Variants in MGMT observed in about 807,000 individuals in gnomAD.
MGMT encodes the protein O-6-methylguanine-DNA methyltransferase.
In MGMT, 14 loss-of-function variants were observed where a neutral mutation model predicts 15.9. The observed-to-expected ratio is 0.88, with a 90% CI of 0.58 to 1.37. The LOEUF (loss-of-function observed/expected upper bound fraction) is 1.37. Ranked by LOEUF, MGMT falls within the 40% of genes most tolerant of loss-of-function variation. MGMT has a pLI of 0.00. For synonymous variants in MGMT, 130 were observed against 118.2 expected, an observed-to-expected ratio of 1.10 and a Z score of -0.65; for missense variants, 282 against 268.1, an observed-to-expected ratio of 1.05 and a Z score of -0.36.
chr10:129,714,176 G>A (rs1488831400), intron 3 of MGMT, among the ~76,000 whole-genome samples: 2 of 152,240 alleles, frequency 1.3e-5, no homozygotes, highest in African/African-American at 4.8e-5. Flanking sequence ...GGCTGGCCCC[G>A]TGGACTGCCT....
intron 1 of MGMT, among the ~76,000 whole-genome samples, chr10:129,475,024 G>C (rs1845275207): frequency 6.6e-6 from 1 of 152,100 alleles, no homozygotes; most frequent in Non-Finnish European, 1.5e-5. Context: ...TGGGGAGCTT[G>C]GTAAGTGGTT....
chr10:129,585,914 A>G (rs1286168257), intron 2 of MGMT, among the ~76,000 whole-genome samples: 1 of 142,520 alleles, frequency 7.0e-6, no homozygotes, highest in Non-Finnish European at 1.6e-5. Context: ...CAGGGCCATT[A>G]TTAAGTGAAA....
chr10:129,672,137 T>C (rs375637684), intron 2 of MGMT, among the ~76,000 whole-genome samples: 9 of 152,358 alleles, frequency 5.9e-5, no homozygotes, highest in African/African-American at 2.2e-4. Flanking sequence ...CAGTTTCTTT[T>C]TTAGAAAATG....
chr10:129,755,920 T>C (rs11016913), intron 3 of MGMT, among the ~76,000 whole-genome samples: 19,566 of 152,204 alleles, frequency 0.13, 2,649 homozygotes, highest in African/African-American at 0.34. Flanking sequence ...CTGGTGTGTG[T>C]TGTCTTCCTT....
intron 2 of MGMT, among the ~76,000 whole-genome samples, chr10:129,685,554 C>G (rs540748949): frequency 6.6e-6 from 1 of 152,326 alleles, no homozygotes; most frequent in South Asian, 2.1e-4. Context: ...CCTTTCGGCT[C>G]AGCCCCACTT....
chr10:129,745,937 C>G (rs1028404377), intron 3 of MGMT, among the ~76,000 whole-genome samples: 1 of 151,950 alleles, frequency 6.6e-6, no homozygotes, highest in Non-Finnish European at 1.5e-5. Flanking sequence ...GTCTTTTATT[C>G]TCTTAACACT....
chr10:129,573,827 C>G (rs1360199416), intron 2 of MGMT, among the ~76,000 whole-genome samples: 1 of 152,100 alleles, frequency 6.6e-6, no homozygotes, highest in Non-Finnish European at 1.5e-5. Flanking sequence ...AGTATAAAAT[C>G]TAGGTTATTT....
chr10:129,687,157 TTTA>T (rs1847913789), intron 2 of MGMT, among the ~76,000 whole-genome samples: 1 of 152,152 alleles, frequency 6.6e-6, no homozygotes, highest in Non-Finnish European at 1.5e-5. Flanking sequence ...TTAATTTATT[TTTA>T]TTTTTTGTTT....
At chr10:129,611,725 GCTC>G (rs1846962866) in intron 2 of MGMT, among the ~76,000 whole-genome samples, 1 of 152,248 alleles carries the variant, frequency 6.6e-6, no homozygotes, top group African/African-American at 2.4e-5. Flanking sequence ...CTAAGTCTTG[GCTC>G]CCGGGTGCGC....
chr10:129,494,218 G>A (rs1293992328), intron 1 of MGMT, among the ~76,000 whole-genome samples: 1 of 152,196 alleles, frequency 6.6e-6, no homozygotes, highest in Non-Finnish European at 1.5e-5. Flanking sequence ...ATTCAGGACT[G>A]TGTTGTGTAA....
chr10:129,590,208 T>C lies in MGMT; in HGVS notation c.125+53831T>C, dbSNP rs530716793. 1.3e-4 allele frequency among the ~76,000 whole-genome samples: 20 copies of C among 152,378 alleles called. No individual in the cohort carries two copies. The East Asian group carries it at 3.5e-3, about 26-fold the overall frequency. On this transcript the variant is annotated intron_variant, in intron 2 of 4. Transcript: ENST00000651593. ...GGTTTCAGATCTGTCTGTGGTCTTT[T>C]GTTTTACTTGGAAACACATGTTTAA...
At chr10:129,496,060 G>C (rs1845517960) in intron 1 of MGMT, among the ~76,000 whole-genome samples, 1 of 152,196 alleles carries the variant, frequency 6.6e-6, no homozygotes, top group Non-Finnish European at 1.5e-5. Flanking sequence ...AGAGCAATGG[G>C]AGGCGGTTTT....
intron 2 of MGMT, among the ~76,000 whole-genome samples, chr10:129,567,045 G>C (rs4751102): frequency 0.091 from 13,870 of 152,204 alleles, 693 homozygotes; most frequent in African/African-American, 0.11. Context: ...CCCTGAGGCA[G>C]CTCGTGTTTT....
chr10:129,525,627 C>T (rs930532279), intron 1 of MGMT, among the ~76,000 whole-genome samples: 2 of 152,054 alleles, frequency 1.3e-5, no homozygotes, highest in Admixed American at 6.5e-5. Context: ...CTGTGCGGTG[C>T]GGGGCCGGCT....
In MGMT at chr10:129,533,671, TCAC is replaced by T. The variant is rs777182194; in HGVS notation, c.-12-2569_-12-2567del. Among the ~76,000 whole-genome samples the T allele has an allele frequency of 1.1e-4, 17 of 152,112 alleles. No homozygotes were observed. The highest frequency in any genetic ancestry group is 6.5e-5 in the Admixed American group (1 of 15,274). On this transcript the variant is annotated intron_variant, in intron 1 of 4. Transcript: ENST00000651593. This position sits in a 1 kb window ranked among gnomAD's most constrained non-coding sequence, Gnocchi z 4.5. Reference sequence around the variant, plus strand: ...CATGGACGCTTGGCCTGGATGGTGGTCACACTGGTAATTCAGTTCCACAAGTAT... The same window carrying T: ...CATGGACGCTTGGCCTGGATGGTGGTACTGGTAATTCAGTTCCACAAGTAT...
intron 2 of MGMT, among the ~76,000 whole-genome samples, chr10:129,675,462 G>A (rs546225462): frequency 6.6e-6 from 1 of 152,310 alleles, no homozygotes; most frequent in South Asian, 2.1e-4. Flanking sequence ...AGGACTTTGT[G>A]ATTAAATAGG....
Position 129,488,004 on chromosome 10 carries a change from T to C in MGMT, c.-13+20708T>C, listed in dbSNP as rs1010173032. ...ATACACACACACACACACATAGGTA[T>C]ACACACACACACACACACACACACA... On this transcript the variant is annotated intron_variant, in intron 1 of 4. Transcript: ENST00000651593. Among the ~76,000 whole-genome samples, 469 of 121,484 alleles carry C rather than the reference T, an allele frequency of 3.9e-3. 2 individuals are homozygous for C. The highest frequency in any genetic ancestry group is 0.016 in the African/African-American group (426 of 27,416). The allele number at this position is 121,484 out of a possible 152,430, so 79.7% of individuals were successfully genotyped here.
At chr10:129,672,603 A>G (rs867374582) in intron 2 of MGMT, among the ~76,000 whole-genome samples, 1 of 152,170 alleles carries the variant, frequency 6.6e-6, no homozygotes, top group Non-Finnish European at 1.5e-5. Context: ...TTTCTTTGCT[A>G]CTGTGCCTAA....
intron 2 of MGMT, among the ~76,000 whole-genome samples, chr10:129,627,688 G>A (rs1847166342): frequency 6.6e-6 from 1 of 152,114 alleles, no homozygotes; most frequent in Non-Finnish European, 1.5e-5. Flanking sequence ...TTTCCACCAT[G>A]CTTCATATTT....
Sources: gnomAD v4.1 joint callset for allele counts (sites outside exome capture counted in the v4.1 genomes callset) on GRCh38, gnomAD v4.1.1 for gene constraint, Gnocchi (gnomAD v3.1) non-coding constraint, MANE v1.5 for transcripts, NCBI Gene and HGNC (gene_info 2026-07-23, HGNC 2026-07-21) for gene names.